Variants in TMEM74 observed in about 807,000 individuals in gnomAD.
The protein encoded by TMEM74 is transmembrane protein 74.
In TMEM74, 13 loss-of-function variants were observed where a neutral mutation model predicts 18.1. The observed-to-expected ratio is 0.72, with a 90% confidence interval of 0.47 to 1.14. The LOEUF (loss-of-function observed/expected upper bound fraction) is 1.14, where lower values mean the gene tolerates loss of function less well. TMEM74 is among the 50% of genes most tolerant of loss of function. TMEM74 has a pLI of 0.00. For synonymous variants in TMEM74, 159 were observed against 146.6 expected (o/e 1.08, Z -0.61); for missense variants, 372 against 375.9 (o/e 0.99, Z 0.09).
At chr8:108,769,167 A>G (rs1285346519) in intron 1 of TMEM74, among the ~76,000 whole-genome samples, 1 of 151,688 alleles carries the variant, frequency 6.6e-6, no homozygotes, top group African/African-American at 2.4e-5. Flanking sequence ...TACTACTAAA[A>G]AAAAAAAAAA....
At chr8:108,694,948 C>G (rs1056139230) in intron 1 of TMEM74, among the ~76,000 whole-genome samples, 2 of 152,318 alleles carry the variant, frequency 1.3e-5, no homozygotes, top group Admixed American at 1.3e-4. Context: ...AAGCATTCCC[C>G]TTTGCCTTCA....
intron 1 of TMEM74, among the ~76,000 whole-genome samples, chr8:108,718,700 A>G (rs28593191): frequency 0.018 from 2,794 of 152,282 alleles, 86 homozygotes; most frequent in African/African-American, 0.063. Flanking sequence ...TGGTATATGT[A>G]TAAGTCACCT....
chr8:108,659,268 T>C (rs55740592), intron 1 of TMEM74, among the ~76,000 whole-genome samples: 10 of 16,848 alleles, frequency 5.9e-4, no homozygotes, highest in African/African-American at 2.0e-3. Flanking sequence ...CACACACACA[T>C]ACAGACACAC....
chr8:108,653,756 G>A (rs1812796345), intron 2 of TMEM74, among the ~76,000 whole-genome samples: 1 of 152,086 alleles, frequency 6.6e-6, no homozygotes, highest in Non-Finnish European at 1.5e-5. Flanking sequence ...CTTTTTTAAA[G>A]AAGTATAACA....
At chr8:108,624,849 CCTT>C (rs2130546512) in intron 2 of TMEM74, among the ~76,000 whole-genome samples, 1 of 151,994 alleles carries the variant, frequency 6.6e-6, no homozygotes, top group Non-Finnish European at 1.5e-5. Context: ...ATTCACTGTT[CCTT>C]CTTATTTCAT....
At chr8:108,770,891 C>T (rs61374603) in intron 1 of TMEM74, among the ~76,000 whole-genome samples, 2,878 of 152,218 alleles carry the variant, frequency 0.019, 61 homozygotes, top group African/African-American at 0.045. Context: ...CTCCTTCCTA[C>T]CCCTACCCTC....
At chr8:108,651,503 A>G (rs1246581382) in intron 2 of TMEM74, among the ~76,000 whole-genome samples, 1 of 152,216 alleles carries the variant, frequency 6.6e-6, no homozygotes, top group Non-Finnish European at 1.5e-5. Context: ...GAAACACAAG[A>G]TGGAATGAAT....
At chr8:108,617,088 A>T (rs1244050686) in intron 2 of TMEM74, among the ~76,000 whole-genome samples, 1 of 151,924 alleles carries the variant, frequency 6.6e-6, no homozygotes, top group Non-Finnish European at 1.5e-5. Context: ...CTCTTCCGTG[A>T]TGTCACATGT....
At chr8:108,625,155 C>A (rs1812481779) in intron 2 of TMEM74, among the ~76,000 whole-genome samples, 1 of 151,888 alleles carries the variant, frequency 6.6e-6, no homozygotes, top group Non-Finnish European at 1.5e-5. Context: ...AGACTTTGAC[C>A]TAGACCCCTA....
intron 1 of TMEM74, among the ~76,000 whole-genome samples, chr8:108,735,127 C>T (rs1352680379): frequency 2.0e-5 from 3 of 152,150 alleles, no homozygotes; most frequent in Non-Finnish European, 4.4e-5. Context: ...CTTTCGTTTC[C>T]ATTCTATTTT....
At chr8:108,770,092 C>A (rs1471549859) in intron 1 of TMEM74, among the ~76,000 whole-genome samples, 2 of 151,986 alleles carry the variant, frequency 1.3e-5, no homozygotes, top group Non-Finnish European at 2.9e-5. Flanking sequence ...ATTGGACTTT[C>A]TCCATAGATC....
intron 1 of TMEM74, among the ~76,000 whole-genome samples, chr8:108,717,001 C>A (rs1813533035): frequency 6.6e-6 from 1 of 151,744 alleles, no homozygotes; most frequent in African/African-American, 2.4e-5. Flanking sequence ...TCATTATGAA[C>A]TATAAGCCAA....
intron 2 of TMEM74, among the ~76,000 whole-genome samples, chr8:108,621,001 G>T (rs1204994035): frequency 1.3e-5 from 2 of 152,142 alleles, no homozygotes; most frequent in Admixed American, 1.3e-4. Context: ...CCTGGTCCTT[G>T]GTGATCAGAT....
At chr8:108,732,928 C>G (rs1172284753) in intron 1 of TMEM74, among the ~76,000 whole-genome samples, 1 of 151,930 alleles carries the variant, frequency 6.6e-6, no homozygotes, top group Non-Finnish European at 1.5e-5. Flanking sequence ...CTAATATGCA[C>G]TTTAAAAAGC....
intron 2 of TMEM74, among the ~76,000 whole-genome samples, chr8:108,643,311 T>C (rs901017998): frequency 1.3e-5 from 2 of 152,170 alleles, no homozygotes; most frequent in Non-Finnish European, 2.9e-5. Flanking sequence ...ATGCTGATGC[T>C]GCTGGTCCAA....
At chr8:108,661,886 C>T (rs1473645975) in intron 1 of TMEM74, among the ~76,000 whole-genome samples, 1 of 152,040 alleles carries the variant, frequency 6.6e-6, no homozygotes, top group East Asian at 1.9e-4. Context: ...GCAAGAAATT[C>T]TCTATTCCTT....
intron 1 of TMEM74, among the ~76,000 whole-genome samples, chr8:108,757,732 C>T (rs1813992426): frequency 6.6e-6 from 1 of 151,912 alleles, no homozygotes; most frequent in Non-Finnish European, 1.5e-5. Context: ...ATTAATAATG[C>T]ATTTATGTGC....
rs964283050 is a variant in TMEM74 at position 108,686,496 on chromosome 8, C to T, written n.120-31059G>A. Among the ~76,000 whole-genome samples the T allele has an allele frequency of 7.2e-5, 11 of 152,076 alleles. No individual in the cohort carries two copies. The East Asian group carries it at 9.6e-4, about 13-fold the overall frequency. On this transcript the variant is annotated intron_variant and non_coding_transcript_variant, in intron 1 of 3. Transcript: ENST00000518838. ...AGATTACAGGCGTGACCCACCGCGC[C>T]GGCCCTGTTTTATACTTCTTAAAAA...
intron 1 of TMEM74, among the ~76,000 whole-genome samples, chr8:108,668,092 A>G (rs1000766955): frequency 6.6e-6 from 1 of 152,188 alleles, no homozygotes; most frequent in Non-Finnish European, 1.5e-5. Context: ...TCAGTTTGCC[A>G]CTAAAATTTG....
Sources: allele counts gnomAD v4.1 joint callset (sites outside exome capture counted in the v4.1 genomes callset), GRCh38; gene constraint gnomAD v4.1.1; transcripts MANE v1.5; gene names NCBI Gene and HGNC (gene_info 2026-07-23, HGNC 2026-07-21).